ARID1A: variants seen among roughly 807,000 people sequenced by gnomAD.
ARID1A encodes AT-rich interactive domain-containing protein 1A.
In ARID1A, 20 loss-of-function variants were observed where a neutral mutation model predicts 212.6. The ratio of observed to expected loss-of-function variants is 0.09; its 90% CI spans 0.07 to 0.14. ARID1A has a LOEUF of 0.14. ARID1A is among the 10% of genes least tolerant of loss of function. ARID1A has a pLI of 1.00. For synonymous variants in ARID1A, 1,376 were observed against 1,222.1 expected, an observed-to-expected ratio of 1.13 and a Z score of -2.63; for missense variants, 2,587 against 3,059.0, an observed-to-expected ratio of 0.85 and a Z score of 3.64.
chr1:26,697,125 C>G lies in ARID1A; in HGVS notation c.722C>G (p.Ser241Cys). 1 of 1,441,534 alleles carries G rather than the reference C, an allele frequency of 6.9e-7. No homozygotes were observed. The highest frequency in any genetic ancestry group is 9.1e-7 in the Non-Finnish European group (1 of 1,102,118). The allele number at this position is 1,441,534 out of a possible 1,614,324, so 89.3% of individuals were successfully genotyped here. A position where few individuals can be genotyped will look rare whatever the true frequency, so the allele number is the denominator to read the frequency against. Reference sequence around the variant, plus strand: ...TCCCCGAGAGGTGGCACTCCGGGCTCCGGCGCGGCGGCGGCTGCCGGCTCC... The same window carrying G: ...TCCCCGAGAGGTGGCACTCCGGGCTGCGGCGCGGCGGCGGCTGCCGGCTCC... ...LSSPRGGTPG[S>C]GAAAAAGSKP... Residue 241 changes from serine to cysteine, a missense_variant, in exon 1 of 20, where the codon TCC becomes TGC. Around this residue, in one of 11 missense-constraint regions of ARID1A, gnomAD observed 735 missense variants for 590.6 expected, o/e 1.24. Transcript: ENST00000324856.
Position 26,780,019 on chromosome 1 carries a change from G to T in ARID1A, c.6121G>T (p.Val2041Leu), listed in dbSNP as rs2124145952. 1 of 1,614,176 alleles carries T rather than the reference G, an allele frequency of 6.2e-7. No individual in the cohort carries two copies. The highest frequency in any genetic ancestry group is 8.5e-7 in the Non-Finnish European group (1 of 1,180,034). The change falls in exon 20 of 20, where the codon GTG becomes TTG. Residue 2041 changes from valine (V) to leucine (L), a missense_variant. Physicochemically the swap from Val to Leu is conservative, Grantham distance 32 (BLOSUM62 1). This residue lies in a region of ARID1A where 168 missense variants were observed against 321.0 expected (regional missense o/e 0.52). Transcript: ENST00000324856. The surrounding 1 kb of genome is among the most constrained non-coding windows in gnomAD (Gnocchi z 7.2). ...AAAGGAGGAGGAACAGGACCAAGGG[G>T]TGAGCTGCAACAAAGTGGAGTGGTG... ...YEKEEEQDQG[V>L]SCNKVEWWWD...
chr1:26,718,302 C>T (rs982006995), intron 1 of ARID1A, among the ~76,000 whole-genome samples: 2 of 152,102 alleles, frequency 1.3e-5, no homozygotes, highest in African/African-American at 4.8e-5. Flanking sequence ...TTACTTTATT[C>T]GACCCTGAAG....
Position 26,702,664 on chromosome 1 carries a change from CATT to C in ARID1A, c.1137+5125_1137+5127del, listed in dbSNP as rs1477207432. The stretch of plus-strand genomic sequence containing the variant: ...CTCCTCATGTGGTGGAGTAAAATAA[CATT>C]GGGGAAAAAGACTTGGGGATAGGAA... On this transcript the variant is annotated intron_variant, in intron 1 of 19. Transcript: ENST00000324856. Among the ~76,000 whole-genome samples the C allele has an allele frequency of 5.3e-5, 8 of 152,096 alleles. No homozygotes were observed. In the East Asian group the frequency reaches 1.5e-3, roughly 29 times the overall value.
intron 4 of ARID1A, among the ~76,000 whole-genome samples, chr1:26,738,259 G>A (rs1489404478): frequency 1.3e-5 from 2 of 152,022 alleles, no homozygotes; most frequent in Non-Finnish European, 2.9e-5. Flanking sequence ...CCTGACCTGG[G>A]TGATCCACCC....
In ARID1A at chr1:26,734,433, T is replaced by C. The variant is rs564897039; in HGVS notation, c.1920+1641T>C. On this transcript the variant is annotated intron_variant, in intron 4 of 19. Transcript: ENST00000324856. ...GGTTGGGAATCTTAAGAACTTCTTA[T>C]CTGACCCACTGAAGTGAAGGTGAAG... is the stretch of plus-strand genomic sequence containing the variant. 6.6e-5 allele frequency among the ~76,000 whole-genome samples: 10 copies of C among 151,692 alleles called. No individual in the cohort carries two copies. In the Middle Eastern group the frequency reaches 0.014, roughly 208 times the overall value.
chr1:26,701,088 C>G (rs2080327602), intron 1 of ARID1A, among the ~76,000 whole-genome samples: 1 of 152,156 alleles, frequency 6.6e-6, no homozygotes, highest in African/African-American at 2.4e-5. Context: ...TGGATTGACT[C>G]CTGTAGGTGT....
At position 26,696,317 on chromosome 1, in the gene ARID1A, C is replaced by T; in HGVS notation, c.-87C>T. On this transcript the variant is annotated 5_prime_UTR_variant, in exon 1 of 20. Coordinates refer to ENST00000324856, the MANE Select transcript of ARID1A (RefSeq NM_006015.6). ...GCCCGGGCGGGTGGGGAGGGCAGCC[C>T]GGGGGACTGGGCCCCGGGGCGGGGT... 9.5e-7 allele frequency: 1 copy of T among 1,053,830 alleles called. No homozygotes were observed. The highest frequency in any genetic ancestry group is 2.8e-5 in the African/African-American group (1 of 35,616). The allele number at this position is 1,053,830 out of a possible 1,614,324, so 65.3% of individuals were successfully genotyped here.
chr1:26,750,404 G>A (rs916504885), intron 4 of ARID1A, among the ~76,000 whole-genome samples: 1 of 152,198 alleles, frequency 6.6e-6, no homozygotes, highest in Admixed American at 6.5e-5. Flanking sequence ...TGTGTGAAAG[G>A]AGAGCTCAGT....
chr1:26,753,982 A>AT (rs1432784660), intron 4 of ARID1A, among the ~76,000 whole-genome samples: 1 of 151,678 alleles, frequency 6.6e-6, no homozygotes, highest in Non-Finnish European at 1.5e-5. Flanking sequence ...AATTTTTTGT[A>AT]TTTTTTAGTA....
chr1:26,725,029 G>C (rs1557588626), intron 1 of ARID1A, among the ~76,000 whole-genome samples: 1 of 151,868 alleles, frequency 6.6e-6, no homozygotes, highest in Non-Finnish European at 1.5e-5. Flanking sequence ...GTATATAGCA[G>C]GGGGCCCGAC....
intron 4 of ARID1A, among the ~76,000 whole-genome samples, chr1:26,741,305 G>A (rs1164202059): frequency 6.6e-6 from 1 of 152,190 alleles, no homozygotes; most frequent in Non-Finnish European, 1.5e-5. Flanking sequence ...AGGTAGTTGG[G>A]TTTGTCATAA....
Position 26,772,899 on chromosome 1 carries a change from T to G in ARID1A, c.3627T>G (p.Pro1209=). 1 of 1,614,136 alleles carries G rather than the reference T, an allele frequency of 6.2e-7. No individual in the cohort carries two copies. The highest frequency in any genetic ancestry group is 8.5e-7 in the Non-Finnish European group (1 of 1,180,020). The change falls in exon 14 of 20, where the codon CCT becomes CCG. Residue 1209 remains proline, a synonymous_variant. Transcript: ENST00000324856. ...AGCGGAATTCCATGACTCCAAACCC[T>G]GGGTATCAGCCCAGTATGAATACCT... ...FQKRNSMTPN[P]GYQPSMNTSD... is the part of the protein sequence containing the mutation.
chr1:26,747,043 AAAAAC>A (rs1052899603), intron 4 of ARID1A, among the ~76,000 whole-genome samples: 2 of 152,292 alleles, frequency 1.3e-5, no homozygotes, highest in South Asian at 2.1e-4. Flanking sequence ...TCCGTGTCAA[AAAAAC>A]AAAACAAACA....
At chr1:26,778,102 C>T (rs536986427) in intron 19 of ARID1A, 1 of 150,496 alleles carries the variant, frequency 6.6e-6, no homozygotes, top group Non-Finnish European at 1.5e-5. Context: ...CACACACACA[C>T]TCTCACACAC....
At chr1:26,700,325 T>G (rs1484538958) in intron 1 of ARID1A, among the ~76,000 whole-genome samples, 2 of 152,238 alleles carry the variant, frequency 1.3e-5, no homozygotes, top group Non-Finnish European at 2.9e-5. Flanking sequence ...TTGCAGAGAC[T>G]TAATTAACAC....
intron 17 of ARID1A, 71 bp downstream of exon 17, chr1:26,773,969 C>T (rs182250945): frequency 1.5e-5 from 23 of 1,535,066 alleles, no homozygotes; most frequent in East Asian, 1.4e-4. Flanking sequence ...ACTAATCTAA[C>T]GTGTTGAAGT....
intron 1 of ARID1A, among the ~76,000 whole-genome samples, chr1:26,720,437 C>T (rs2080551289): frequency 6.7e-6 from 1 of 150,194 alleles, no homozygotes; most frequent in Non-Finnish European, 1.5e-5. Context: ...GGCGTCATTG[C>T]ACTCCAGCAT....
rs2124070478 is a variant in ARID1A at position 26,763,255 on chromosome 1, T to G, written c.2702T>G (p.Met901Arg). 1.2e-6 allele frequency: 2 copies of G among 1,610,444 alleles called. No individual in the cohort carries two copies. Among genetic ancestry groups the G allele is most frequent in the Non-Finnish European group, 1.7e-6 (2 of 1,177,344 alleles). The part of the protein sequence containing the change: ...NRKTQETAVA[M>R]HVAANSIQNR... Reference sequence around the variant, plus strand: ...AAAACCCAAGAAACTGCTGTCGCCATGCATGTTGCTGCCAACTCTATCCAA... The same window carrying G: ...AAAACCCAAGAAACTGCTGTCGCCAGGCATGTTGCTGCCAACTCTATCCAA... Residue 901 changes from methionine to arginine, a missense_variant, in exon 8 of 20, where the codon ATG (methionine) becomes AGG (arginine). By Grantham distance (91) the Met-to-Arg change is moderately conservative. Around this residue, in one of 11 missense-constraint regions of ARID1A, gnomAD observed 674 missense variants for 813.4 expected, o/e 0.83. Transcript: ENST00000324856.
chr1:26,739,182 C>T (rs567804493), intron 4 of ARID1A, among the ~76,000 whole-genome samples: 7 of 152,084 alleles, frequency 4.6e-5, no homozygotes, highest in Non-Finnish European at 8.8e-5. Context: ...CCACTGCGCC[C>T]GGCCCAGCTT....
Sources: allele counts gnomAD v4.1 joint callset (sites outside exome capture counted in the v4.1 genomes callset), GRCh38; gene constraint gnomAD v4.1.1; regional missense constraint gnomAD v4.1.1; non-coding constraint Gnocchi (gnomAD v3.1); transcripts MANE v1.5; gene names NCBI Gene and HGNC (gene_info 2026-07-23, HGNC 2026-07-21).